The following FAAH2 variants were observed in gnomAD, a reference collection of about 807,000 sequenced individuals.
FAAH2 encodes the protein fatty acid amide hydrolase 2.
FAAH2 carries 60 observed loss-of-function variants against 36.9 expected under a neutral mutation model. The ratio of observed to expected loss-of-function variants is 1.63; its 90% confidence interval spans 1.32 to 2.02. The LOEUF (loss-of-function observed/expected upper bound fraction) is 2.02, where lower values mean the gene tolerates loss of function less well. Ranked by LOEUF, FAAH2 falls within the 30% of genes most tolerant of loss-of-function variation. The pLI, the probability that FAAH2 is intolerant of heterozygous loss-of-function variation, is 0.00. For synonymous variants in FAAH2, 214 were observed against 143.8 expected (o/e 1.49, Z -3.49); for missense variants, 689 against 397.5 (o/e 1.73, Z -6.23).
At chrX:57,419,305 A>G (rs1428269463) in intron 7 of FAAH2, among the ~76,000 whole-genome samples, 3 of 110,866 alleles carry the variant, frequency 2.7e-5, no homozygotes, top group African/African-American at 9.8e-5. Context: ...TGACTTCCAC[A>G]ATGGTTGAAC....
chrX:57,174,206 C>T, the FAAH2 span, among the ~76,000 whole-genome samples: 2 of 108,571 alleles, frequency 1.8e-5, no homozygotes, highest in Non-Finnish European at 3.8e-5. Flanking sequence ...TCTCTAGCCC[C>T]GAGATTTTTT....
rs1463844675 is a variant in FAAH2 at position 57,318,091 on chromosome X, CAATT to C, written c.412+7365_412+7368del. 4.5e-5 allele frequency among the ~76,000 whole-genome samples: 5 copies of C among 111,282 alleles called. No homozygotes were observed. In the East Asian group the frequency reaches 1.4e-3, roughly 31 times the overall value. ...ATCTAAAATTGACACCCTAACATCACAATTAAAAGAACTAGAGAAGCAAGAGCAA... is the reference window on the plus strand; with the variant it reads ...ATCTAAAATTGACACCCTAACATCACAAAAGAACTAGAGAAGCAAGAGCAA... On this transcript the variant is annotated intron_variant, in intron 3 of 10. Transcript: ENST00000374900.
At chrX:57,426,584 C>G (rs1011498034) in intron 7 of FAAH2, among the ~76,000 whole-genome samples, 3 of 111,496 alleles carry the variant, frequency 2.7e-5, no homozygotes, top group Non-Finnish European at 3.8e-5. Flanking sequence ...AACTAGAAAT[C>G]AATTCCAAAA....
At chrX:57,395,476 C>A (rs980405512) in intron 7 of FAAH2, 3 of 460,958 alleles carry the variant, frequency 6.5e-6, no homozygotes, top group African/African-American at 4.9e-5. Flanking sequence ...AGGAGGAATG[C>A]TTTAACCTTA....
intron 10 of FAAH2, among the ~76,000 whole-genome samples, chrX:57,471,483 C>T (rs1472424423): frequency 2.7e-5 from 3 of 111,552 alleles, no homozygotes; most frequent in Non-Finnish European, 5.6e-5. Context: ...GAGTGAGCTC[C>T]CATTCACAAT....
At chrX:57,178,492 G>T in the FAAH2 span, among the ~76,000 whole-genome samples, 1 of 110,969 alleles carries the variant, frequency 9.0e-6, no homozygotes, top group Non-Finnish European at 1.9e-5. Flanking sequence ...GTCTTAGGAG[G>T]TGGATAAGGC....
At chrX:57,367,117 G>A (rs1040210731) in intron 5 of FAAH2, among the ~76,000 whole-genome samples, 4 of 112,264 alleles carry the variant, frequency 3.6e-5, no homozygotes, top group Non-Finnish European at 7.5e-5. Context: ...ACCTTGCATT[G>A]CTTTTTAAAC....
the FAAH2 span, among the ~76,000 whole-genome samples, chrX:57,204,865 C>A: frequency 8.9e-6 from 1 of 112,144 alleles, no homozygotes. Flanking sequence ...TGTGGCATGT[C>A]CTTGAGAATT....
the FAAH2 span, among the ~76,000 whole-genome samples, chrX:57,182,145 C>A: frequency 8.9e-6 from 1 of 111,755 alleles, no homozygotes; most frequent in Non-Finnish European, 1.9e-5. Flanking sequence ...TGGGAGACAA[C>A]CTAGGGAATA....
At chrX:57,129,271 A>G in the FAAH2 span, among the ~76,000 whole-genome samples, 1 of 111,501 alleles carries the variant, frequency 9.0e-6, no homozygotes, top group African/African-American at 3.3e-5. Context: ...TTGAATACCA[A>G]TGATGTACTG....
Position 57,292,550 on chromosome X carries a change from A to C in FAAH2, c.245A>C (p.Asn82Thr). The change falls in exon 2 of 11, where the codon AAC (asparagine) becomes ACC (threonine). Residue 82 changes from asparagine to threonine, a missense_variant. Physicochemically the swap from Asn to Thr is moderately conservative, Grantham distance 65 (BLOSUM62 0). Coordinates refer to ENST00000374900, the MANE Select transcript of FAAH2 (RefSeq NM_174912.4). Reference sequence around the variant, plus strand: ...TATATCAACAGAATCAAGGACGTGAACCCAATGATCAATGGAATTGTCAAG... The same window carrying C: ...TATATCAACAGAATCAAGGACGTGACCCCAATGATCAATGGAATTGTCAAG... ...QAYINRIKDV[N>T]PMINGIVKYR... 3 of 1,210,142 alleles carry C rather than the reference A, an allele frequency of 2.5e-6. No homozygotes were observed. Among genetic ancestry groups the C allele is most frequent in the Non-Finnish European group, 2.2e-6 (2 of 894,409 alleles).
chrX:57,392,591 A>T (rs2055192469), intron 7 of FAAH2: 2 of 803,844 alleles, frequency 2.5e-6, no homozygotes, highest in Non-Finnish European at 3.7e-6. Context: ...GGGCCTGAAT[A>T]GACACTGGCC....
chrX:57,153,712 G>C, the FAAH2 span, among the ~76,000 whole-genome samples: 60 of 112,471 alleles, frequency 5.3e-4, no homozygotes, highest in African/African-American at 1.9e-3. Flanking sequence ...CTAGCTCGTA[G>C]AGTTTCTGCT....
At chrX:57,375,648 A>G (rs2054655916) in intron 5 of FAAH2, among the ~76,000 whole-genome samples, 1 of 110,889 alleles carries the variant, frequency 9.0e-6, no homozygotes, top group Non-Finnish European at 1.9e-5. Flanking sequence ...GTAATATCAT[A>G]GACAATGGTT....
At chrX:57,431,779 G>GTTTGTTTTTTTTTT (rs1569340579) in intron 7 of FAAH2, 139 bp from the exon 8 acceptor site, 1 of 83,520 alleles carries the variant, frequency 1.2e-5, no homozygotes, top group African/African-American at 7.0e-5. Flanking sequence ...TTGTTTTTTT[G>GTTTGTTTTTTTTTT]TTTTTTTGTT....
At chrX:57,417,645 T>C (rs911857882) in intron 7 of FAAH2, among the ~76,000 whole-genome samples, 4 of 111,540 alleles carry the variant, frequency 3.6e-5, no homozygotes, top group African/African-American at 1.3e-4. Context: ...GCCACATGTG[T>C]CCTGTATGAG....
At chrX:57,376,478 C>A (rs962816861) in intron 5 of FAAH2, among the ~76,000 whole-genome samples, 9 of 111,293 alleles carry the variant, frequency 8.1e-5, no homozygotes, top group Admixed American at 6.7e-4. Flanking sequence ...TGAGTGAGAA[C>A]ATGTGGTGTT....
the FAAH2 span, among the ~76,000 whole-genome samples, chrX:57,233,062 G>T: frequency 8.9e-6 from 1 of 112,280 alleles, no homozygotes; most frequent in East Asian, 2.8e-4. Context: ...TTCCTCCTCT[G>T]CTCATGAGAT....
At chrX:57,426,789 C>T (rs904631436) in intron 7 of FAAH2, among the ~76,000 whole-genome samples, 1 of 111,145 alleles carries the variant, frequency 9.0e-6, no homozygotes, top group East Asian at 2.8e-4. Flanking sequence ...ATGCCTACAT[C>T]AAAGTAATAA....
Sources: gnomAD v4.1 joint callset for allele counts (sites outside exome capture counted in the v4.1 genomes callset) on GRCh38, gnomAD v4.1.1 for gene constraint, MANE v1.5 for transcripts, NCBI Gene and HGNC (gene_info 2026-07-23, HGNC 2026-07-21) for gene names.